ARHGEF11: variants seen among roughly 807,000 people sequenced by gnomAD.
ARHGEF11 encodes Rho guanine exchange factor (GEF) 11.
In ARHGEF11, 55 loss-of-function variants were observed where a neutral mutation model predicts 193.7. The ratio of observed to expected loss-of-function variants is 0.28; its 90% CI spans 0.23 to 0.36. ARHGEF11 has a LOEUF of 0.36. Ranked by LOEUF, ARHGEF11 falls within the 10% of genes least tolerant of loss-of-function variation. The pLI is 1.00. For missense variants in ARHGEF11, 1,723 were observed against 2,005.6 expected, an observed-to-expected ratio of 0.86 and a Z score of 2.69; for synonymous variants, 693 against 768.0, an observed-to-expected ratio of 0.90 and a Z score of 1.62.
In ARHGEF11 at chr1:156,940,226, A is replaced by G. The variant is rs763446124; in HGVS notation, c.3714T>C (p.Ala1238=). The change falls in exon 36 of 41, where the codon GCT becomes GCC. Residue 1238 remains alanine, a synonymous_variant. Coordinates refer to ENST00000368194, the MANE Select transcript of ARHGEF11 (RefSeq NM_198236.3). ...ACTCACCATCTTCCAGAGCGGAGTCAGCGAGCCCTTCCATGAACAGAGGGC... is the reference window on the plus strand; with the variant it reads ...ACTCACCATCTTCCAGAGCGGAGTCGGCGAGCCCTTCCATGAACAGAGGGC... ...FPGPLFMEGL[A]DSALEDVENL... 1.9e-6 allele frequency: 3 copies of G among 1,593,222 alleles called. No individual in the cohort carries two copies. The highest frequency in any genetic ancestry group is 3.4e-5 in the Admixed American group (2 of 58,926).
rs531217462 is a variant in ARHGEF11 at position 157,044,975 on chromosome 1, C to A, written c.-645G>T. ...TAGTATGTACACAACAGCACTCCTT[C>A]CAAGTCCAGTGCAACCCTGGGAACC... On this transcript the variant is annotated 5_prime_UTR_variant, in exon 1 of 41. Transcript: ENST00000368194. 1 of 152,756 alleles carries A rather than the reference C, an allele frequency of 6.5e-6. No homozygotes were observed. Among genetic ancestry groups the A allele is most frequent in the Admixed American group, 6.5e-5 (1 of 15,276 alleles). The allele number at this position is 152,756 out of a possible 1,614,324, so 9.5% of individuals were successfully genotyped here.
At chr1:156,942,654 A>G in intron 33 of ARHGEF11, 36 bp downstream of exon 33, 1 of 1,594,930 alleles carries the variant, frequency 6.3e-7, no homozygotes, top group Non-Finnish European at 8.6e-7. Context: ...TCCGAAAGGG[A>G]CCACAGTTAC....
At chr1:156,976,848 C>T (rs4504881) in intron 7 of ARHGEF11, 135 bp downstream of exon 7, 16 of 761,226 alleles carry the variant, frequency 2.1e-5, no homozygotes, top group Admixed American at 7.2e-5. Context: ...TTTAGTGGTC[C>T]GGAAGTTTTA....
rs1667885673 is a variant in ARHGEF11, at chr1:157,006,834, A to G, written c.33-20661T>C. Reference sequence around the variant, plus strand: ...CTAAGTGTAATGTGCCAGGAGCCTGAGCCAGAAGATGAAGGGCCCCAGTGA... The same window carrying G: ...CTAAGTGTAATGTGCCAGGAGCCTGGGCCAGAAGATGAAGGGCCCCAGTGA... On this transcript the variant is annotated intron_variant, in intron 1 of 40. Transcript: ENST00000368194. Among the ~76,000 whole-genome samples, 5 of 152,236 alleles carry G rather than the reference A, an allele frequency of 3.3e-5. No homozygotes were observed. In the South Asian group the frequency reaches 1.0e-3, roughly 31 times the overall value.
intron 1 of ARHGEF11, among the ~76,000 whole-genome samples, chr1:157,001,503 T>G (rs1000661345): frequency 6.6e-6 from 1 of 152,214 alleles, no homozygotes; most frequent in Admixed American, 6.5e-5. Flanking sequence ...ACTAGAACAT[T>G]AGCCACTGTG....
intron 13 of ARHGEF11, 104 bp downstream of exon 13, chr1:156,963,099 C>T: frequency 1.2e-6 from 1 of 847,842 alleles, no homozygotes; most frequent in Non-Finnish European, 1.9e-6. Flanking sequence ...CTGACTGTGC[C>T]CATGGATCTG....
chr1:157,037,322 A>G (rs1330012471), intron 1 of ARHGEF11, among the ~76,000 whole-genome samples: 5 of 152,110 alleles, frequency 3.3e-5, no homozygotes, highest in Non-Finnish European at 1.5e-5. Flanking sequence ...CTTCTGCTCT[A>G]TATATTAATA....
chr1:157,035,763 T>TATATATATATATATATATATATATGA (rs1553235820), intron 1 of ARHGEF11, among the ~76,000 whole-genome samples: 2 of 140,998 alleles, frequency 1.4e-5, no homozygotes, highest in African/African-American at 5.4e-5. Flanking sequence ...TGTGGGAATA[T>TATATATATATATATATATATATATGA]ATATATATAC....
intron 1 of ARHGEF11, among the ~76,000 whole-genome samples, chr1:157,042,734 G>A (rs904414754): frequency 4.6e-5 from 7 of 152,088 alleles, no homozygotes; most frequent in African/African-American, 1.7e-4. Context: ...AAGGCTCACC[G>A]CCTCCTCCTT....
At chr1:157,027,913 G>A (rs1670843507) in intron 1 of ARHGEF11, among the ~76,000 whole-genome samples, 1 of 152,196 alleles carries the variant, frequency 6.6e-6, no homozygotes, top group African/African-American at 2.4e-5. Context: ...AGATTCCAGA[G>A]AAAGGGTGGT....
In ARHGEF11 at chr1:156,938,630, G is replaced by T; in HGVS notation, c.4097-117C>A. ...TGGGGACAGGGGGAGGAGAAAATGGGAAGAACAAGGTGAACACAAGATCAT... is the reference window on the plus strand; with the variant it reads ...TGGGGACAGGGGGAGGAGAAAATGGTAAGAACAAGGTGAACACAAGATCAT... On this transcript the variant is annotated intron_variant, in intron 37 of 40. Coordinates refer to ENST00000368194, the MANE Select transcript of ARHGEF11 (RefSeq NM_198236.3). 8 of 862,692 alleles carry T rather than the reference G, an allele frequency of 9.3e-6. 1 individual carries two copies. The highest frequency in any genetic ancestry group is 1.3e-5 in the Non-Finnish European group (7 of 544,954). The allele number at this position is 862,692 out of a possible 1,614,324, so 53.4% of individuals were successfully genotyped here. A position where few individuals can be genotyped will look rare whatever the true frequency, so the allele number is the denominator to read the frequency against.
At chr1:157,037,805 C>T (rs973911492) in intron 1 of ARHGEF11, among the ~76,000 whole-genome samples, 44 of 151,810 alleles carry the variant, frequency 2.9e-4, no homozygotes, top group African/African-American at 8.5e-4. Flanking sequence ...CTGAAGTGGG[C>T]GGTTTACTTG....
chr1:156,967,794 A>C, intron 11 of ARHGEF11, 193 bp downstream of exon 11: 31 of 651,140 alleles, frequency 4.8e-5, no homozygotes, highest in Non-Finnish European at 6.6e-5. Context: ...AGCCAGCCTT[A>C]CTTTCATATC....
At chr1:156,980,279 C>T (rs1663931030) in intron 4 of ARHGEF11, among the ~76,000 whole-genome samples, 158 bp downstream of exon 4, 1 of 152,242 alleles carries the variant, frequency 6.6e-6, no homozygotes, top group African/African-American at 2.4e-5. Flanking sequence ...CTCTCTCATG[C>T]TATACCACTG....
chr1:157,043,991 G>C (rs1440802033), intron 1 of ARHGEF11, among the ~76,000 whole-genome samples: 1 of 152,096 alleles, frequency 6.6e-6, no homozygotes, highest in Non-Finnish European at 1.5e-5. Context: ...CCTGAGACTA[G>C]CAAGTTGGGT....
chr1:156,942,606 G>T, intron 33 of ARHGEF11, 84 bp downstream of exon 33: 1 of 1,275,036 alleles, frequency 7.8e-7, no homozygotes, highest in Non-Finnish European at 1.1e-6. Context: ...GCCCAAACCT[G>T]GCCTTGCTAC....
intron 1 of ARHGEF11, among the ~76,000 whole-genome samples, chr1:156,991,906 C>T (rs1176367377): frequency 2.0e-5 from 3 of 148,990 alleles, no homozygotes; most frequent in South Asian, 2.2e-4. Flanking sequence ...TTAGTAGAGA[C>T]GGGGTTTCAC....
At chr1:157,008,653 AG>A (rs1394576306) in intron 1 of ARHGEF11, among the ~76,000 whole-genome samples, 2 of 152,242 alleles carry the variant, frequency 1.3e-5, no homozygotes, top group Non-Finnish European at 2.9e-5. Flanking sequence ...AGTGAGAACT[AG>A]AACCCAGGGC....
chr1:156,998,180 G>GC (rs1046609551), intron 1 of ARHGEF11, among the ~76,000 whole-genome samples: 5 of 152,146 alleles, frequency 3.3e-5, no homozygotes, highest in African/African-American at 1.2e-4. Context: ...ACGAAGCAGA[G>GC]CCCGGCTCTG....
Sources: gnomAD v4.1 joint callset for allele counts (sites outside exome capture counted in the v4.1 genomes callset) on GRCh38, gnomAD v4.1.1 for gene constraint, MANE v1.5 for transcripts, NCBI Gene and HGNC (gene_info 2026-07-23, HGNC 2026-07-21) for gene names.